The following GHR variants were observed in gnomAD, a reference collection of about 807,000 sequenced individuals.
The protein encoded by GHR is GH receptor.
In GHR, 35 loss-of-function variants were observed where a neutral mutation model predicts 67.1. The observed-to-expected ratio is 0.52, with a 90% CI of 0.40 to 0.69. GHR has a LOEUF of 0.69. Among genes scored for constraint, GHR ranks in the 30% least tolerant of loss-of-function variants. The pLI is 0.00. For missense variants in GHR, 792 were observed against 764.6 expected, an observed-to-expected ratio of 1.04 and a Z score of -0.42; for synonymous variants, 272 against 269.1, an observed-to-expected ratio of 1.01 and a Z score of -0.10.
rs948834882 is a variant in GHR, at chr5:42,664,040, C to A, written c.137-24850C>A. Among the ~76,000 whole-genome samples the A allele has an allele frequency of 3.3e-5, 5 of 152,138 alleles. 1 individual carries two copies. Among genetic ancestry groups the A allele is most frequent in the African/African-American group, 1.2e-4 (5 of 41,498 alleles). On this transcript the variant is annotated intron_variant, in intron 3 of 9. Transcript: ENST00000230882. ...AACTAGGAATCCAACTTACAAGGGACATGAAGGACCTCTTCAAGGAGAACT... is the reference window on the plus strand; with the variant it reads ...AACTAGGAATCCAACTTACAAGGGAAATGAAGGACCTCTTCAAGGAGAACT...
At chr5:42,527,143 C>T (rs1288623226) in intron 1 of GHR, among the ~76,000 whole-genome samples, 1 of 152,078 alleles carries the variant, frequency 6.6e-6, no homozygotes, top group Non-Finnish European at 1.5e-5. Flanking sequence ...ATACACAGAC[C>T]AGTGACACTA....
At chr5:42,474,327 A>AAG (rs1469434679) in intron 1 of GHR, among the ~76,000 whole-genome samples, 13 of 140,306 alleles carry the variant, frequency 9.3e-5, no homozygotes, top group Admixed American at 7.9e-4. Context: ...GAAAGAAAGA[A>AAG]AGAAAGAAAG....
intron 2 of GHR, among the ~76,000 whole-genome samples, chr5:42,583,466 G>A (rs1751299588): frequency 6.6e-6 from 1 of 152,162 alleles, no homozygotes; most frequent in Non-Finnish European, 1.5e-5. Flanking sequence ...TAGTGGAAGT[G>A]CTGACAAGCA....
chr5:42,682,943 G>C (rs949155163), intron 3 of GHR, among the ~76,000 whole-genome samples: 9 of 152,222 alleles, frequency 5.9e-5, no homozygotes, highest in African/African-American at 2.2e-4. Context: ...GGAAAGATTG[G>C]TTCCCATGCT....
intron 5 of GHR, 73 bp from the exon 6 acceptor site, chr5:42,699,751 T>C: frequency 1.1e-6 from 1 of 946,252 alleles, no homozygotes; most frequent in Non-Finnish European, 1.8e-6. Flanking sequence ...TAATTTGGTC[T>C]TCTGAGAAGA....
At chr5:42,694,886 C>T in intron 4 of GHR, 31 bp from the exon 5 acceptor site, 1 of 1,527,496 alleles carries the variant, frequency 6.5e-7, no homozygotes, top group Non-Finnish European at 9.1e-7. Flanking sequence ...ATTTTTGGAA[C>T]AATTAATCTT....
intron 1 of GHR, among the ~76,000 whole-genome samples, chr5:42,449,831 A>G (rs887405633): frequency 2.0e-4 from 30 of 152,158 alleles, no homozygotes; most frequent in Admixed American, 2.0e-3. Context: ...GAGGGTTTTT[A>G]TCATAAAAGT....
At chr5:42,511,897 G>A (rs1391132134) in intron 1 of GHR, among the ~76,000 whole-genome samples, 1 of 152,066 alleles carries the variant, frequency 6.6e-6, no homozygotes, top group Admixed American at 6.6e-5. Context: ...TCATCTTTTT[G>A]CACCCCTCTA....
chr5:42,424,419 G>C lies in GHR; in HGVS notation c.-12+464G>C, dbSNP rs535551579. 5.7e-5 allele frequency: 35 copies of C among 616,542 alleles called. No homozygotes were observed. The highest frequency in any genetic ancestry group is 5.5e-4 in the African/African-American group (30 of 54,622). 38.2% of individuals were successfully genotyped at this position (616,542 alleles called of 1,614,324 possible). The stretch of plus-strand genomic sequence containing the variant: ...GGCAGGAACTGCCGAGGCTGCTGCT[G>C]TTGCGCGGGGAAGAATCCCCGGCAG... On this transcript the variant is annotated intron_variant, in intron 1 of 9. Coordinates refer to ENST00000230882, the MANE Select transcript of GHR (RefSeq NM_000163.5). The surrounding 1 kb of genome is among the most constrained non-coding windows in gnomAD (Gnocchi z 4.1).
intron 3 of GHR, among the ~76,000 whole-genome samples, chr5:42,685,291 G>A (rs1757084402): frequency 1.3e-5 from 2 of 152,270 alleles, no homozygotes; most frequent in South Asian, 4.1e-4. Context: ...TTTTATGGCT[G>A]AGTAGTATTC....
intron 1 of GHR, among the ~76,000 whole-genome samples, chr5:42,453,404 G>A (rs188379875): frequency 6.6e-6 from 1 of 152,192 alleles, no homozygotes; most frequent in Non-Finnish European, 1.5e-5. Context: ...GCTAAGGCAA[G>A]TGGGTAGATG....
At chr5:42,480,573 G>A (rs1745580544) in intron 1 of GHR, among the ~76,000 whole-genome samples, 2 of 152,200 alleles carry the variant, frequency 1.3e-5, no homozygotes, top group Admixed American at 1.3e-4. Flanking sequence ...GGGTGCTCCT[G>A]TATTAGGTGC....
At chr5:42,507,667 C>T (rs1323068536) in intron 1 of GHR, among the ~76,000 whole-genome samples, 1 of 152,220 alleles carries the variant, frequency 6.6e-6, no homozygotes, top group African/African-American at 2.4e-5. Flanking sequence ...CACTCGGACC[C>T]TAGCTGCCAT....
intron 2 of GHR, among the ~76,000 whole-genome samples, chr5:42,617,805 C>A (rs914152547): frequency 2.0e-4 from 30 of 152,196 alleles, no homozygotes; most frequent in African/African-American, 7.0e-4. Context: ...TGACTTTTTT[C>A]TTTATGTCAT....
Position 42,629,080 on chromosome 5 carries a change from G to A in GHR, c.113G>A (p.Ser38Asn). Residue 38 changes from serine to asparagine, a missense_variant, in exon 3 of 10, where the codon AGT becomes AAT. Ser to Asn is a conservative substitution (Grantham distance 46). Transcript: ENST00000230882. ...ILSRAPWSLQSVNPGLKTNSS... is the reference protein window; with the variant it reads ...ILSRAPWSLQNVNPGLKTNSS... The stretch of plus-strand genomic sequence containing the variant: ...AGCAGAGCACCCTGGAGTCTGCAAA[G>A]TGTTAATCCAGGCCTAAAGACAAGT... The A allele has an allele frequency of 7.1e-7, 1 of 1,400,050 alleles. No homozygotes were observed. The highest frequency in any genetic ancestry group is 9.8e-7 in the Non-Finnish European group (1 of 1,015,696). 86.7% of individuals were successfully genotyped at this position (1,400,050 alleles called of 1,614,324 possible).
intron 3 of GHR, among the ~76,000 whole-genome samples, chr5:42,684,988 G>T (rs1267591879): frequency 6.6e-6 from 1 of 151,942 alleles, no homozygotes; most frequent in Non-Finnish European, 1.5e-5. Flanking sequence ...TACATGTGCA[G>T]AACGTGCAGG....
At chr5:42,569,818 A>G (rs534655362) in intron 2 of GHR, among the ~76,000 whole-genome samples, 2 of 152,260 alleles carry the variant, frequency 1.3e-5, no homozygotes, top group South Asian at 4.1e-4. Flanking sequence ...CAAAGCACAT[A>G]ATTGACATCA....
intron 1 of GHR, among the ~76,000 whole-genome samples, chr5:42,518,802 A>G (rs1747351002): frequency 6.6e-6 from 1 of 152,214 alleles, no homozygotes; most frequent in Admixed American, 6.5e-5. Flanking sequence ...AATGTGGCAA[A>G]GTGAGAAAGA....
chr5:42,592,482 GT>G (rs1751834453), intron 2 of GHR, among the ~76,000 whole-genome samples: 1 of 152,164 alleles, frequency 6.6e-6, no homozygotes, highest in Non-Finnish European at 1.5e-5. Context: ...TGTACTCAGT[GT>G]TTAGCTCCCA....
Sources: gnomAD v4.1 joint callset for allele counts (sites outside exome capture counted in the v4.1 genomes callset) on GRCh38, gnomAD v4.1.1 for gene constraint, Gnocchi (gnomAD v3.1) non-coding constraint, MANE v1.5 for transcripts, NCBI Gene and HGNC (gene_info 2026-07-23, HGNC 2026-07-21) for gene names.